FN3K: variants seen among roughly 807,000 people sequenced by gnomAD.
FN3K encodes the protein fructosamine-3-kinase.
A neutral mutation model predicts 24.8 loss-of-function variants in FN3K; 24 were observed. The ratio of observed to expected loss-of-function variants is 0.97; its 90% CI spans 0.70 to 1.36. The LOEUF (loss-of-function observed/expected upper bound fraction) is 1.36, where lower values mean the gene tolerates loss of function less well. Among genes scored for constraint, FN3K ranks in the 40% most tolerant of loss-of-function variants. The probability of loss-of-function intolerance (pLI) is 0.00; values close to 1 mark genes in which losing one functional copy is unlikely to be tolerated. For synonymous variants in FN3K, 192 were observed against 175.2 expected (o/e 1.10, Z -0.76); for missense variants, 449 against 416.7 (o/e 1.08, Z -0.67).
rs759824342 is a variant in FN3K, at chr17:82,740,769, A to G, written c.300A>G (p.Ala100=). 1.9e-6 allele frequency: 3 copies of G among 1,612,798 alleles called. No individual in the cohort carries two copies. Among genetic ancestry groups the G allele is most frequent in the Non-Finnish European group, 2.5e-6 (3 of 1,178,910 alleles). ...GCATTTCTTCTTTCCTCAGTCAAGC[A>G]TCAAAACTTGGAGAGCAGATGGCAG... ...HLKMKSLSSQ[A]SKLGEQMADL... Residue 100 remains alanine, a synonymous_variant, in exon 3 of 6, where the codon GCA becomes GCG. Transcript: ENST00000300784.
intron 4 of FN3K, among the ~76,000 whole-genome samples, chr17:82,746,555 C>G (rs1394985506): frequency 2.6e-5 from 4 of 152,114 alleles, no homozygotes; most frequent in African/African-American, 9.7e-5. Flanking sequence ...AATCCCAGCA[C>G]TTTCGGAGGC....
chr17:82,748,433 C>T (rs968178002), intron 4 of FN3K, among the ~76,000 whole-genome samples: 2 of 152,084 alleles, frequency 1.3e-5, no homozygotes, highest in Non-Finnish European at 2.9e-5. Flanking sequence ...CAGGCGTGAG[C>T]CACTGTGCCT....
chr17:82,740,319 G>A (rs1284217036), intron 2 of FN3K, among the ~76,000 whole-genome samples: 1 of 145,976 alleles, frequency 6.9e-6, no homozygotes, highest in African/African-American at 2.5e-5. Flanking sequence ...ATTACATGAT[G>A]TTATTTTCTG....
intron 4 of FN3K, among the ~76,000 whole-genome samples, chr17:82,742,010 C>G (rs550426755): frequency 6.6e-6 from 1 of 152,140 alleles, no homozygotes; most frequent in Non-Finnish European, 1.5e-5. Flanking sequence ...TGGGTTCAAG[C>G]GGTTCTCCTG....
chr17:82,747,141 T>C (rs2046973123), intron 4 of FN3K, among the ~76,000 whole-genome samples: 1 of 152,016 alleles, frequency 6.6e-6, no homozygotes, highest in African/African-American at 2.4e-5. Context: ...ACTTTAGGTT[T>C]AATGTGCTCT....
At chr17:82,737,317 A>C (rs2046908053) in intron 1 of FN3K, among the ~76,000 whole-genome samples, 1 of 152,118 alleles carries the variant, frequency 6.6e-6, no homozygotes, top group Admixed American at 6.5e-5. Flanking sequence ...GTTTGAGACC[A>C]GCCTGGCCAT....
rs755509841 is a variant in FN3K, at chr17:82,750,308, G to T, written c.592-109G>T. ...TCTGGGCTTGGCAGGCAGTGCTGGGGCTGGACACCGAAGCAGATCGCGAGT... is the reference window on the plus strand; with the variant it reads ...TCTGGGCTTGGCAGGCAGTGCTGGGTCTGGACACCGAAGCAGATCGCGAGT... On this transcript the variant is annotated intron_variant, in intron 5 of 5. Coordinates refer to ENST00000300784, the MANE Select transcript of FN3K (RefSeq NM_022158.4). The T allele has an allele frequency of 7.8e-4, 756 of 967,200 alleles. 1 individual carries two copies. Among genetic ancestry groups the T allele is most frequent in the Non-Finnish European group, 1.1e-3 (656 of 613,164 alleles). 59.9% of individuals were successfully genotyped at this position (967,200 alleles called of 1,614,324 possible). A position where few individuals can be genotyped will look rare whatever the true frequency, so the allele number is the denominator to read the frequency against.
Position 82,737,597 on chromosome 17 carries a change from C to G in FN3K, c.142-892C>G, listed in dbSNP as rs1456709208. 16 of 152,376 alleles carry G rather than the reference C, an allele frequency of 1.1e-4. 1 individual carries two copies. 9.4% of individuals were successfully genotyped at this position (152,376 alleles called of 1,614,324 possible). On this transcript the variant is annotated intron_variant, in intron 1 of 5. Transcript: ENST00000300784. ...CCGGCCTCCCAAAGTGCTGGGATTA[C>G]AGGTGCGAGCCACCACGCACGGCGG...
In FN3K at chr17:82,750,716, G is replaced by C; in HGVS notation, c.891G>C (p.Arg297Ser). The C allele has an allele frequency of 6.2e-7, 1 of 1,613,602 alleles. No individual in the cohort carries two copies. Reference sequence around the variant, plus strand: ...GGAACCACTTCGGGCGGGAGTACAGGAGCCCTTCCTTGGGCACCATGCGAA... The same window carrying C: ...GGAACCACTTCGGGCGGGAGTACAGCAGCCCTTCCTTGGGCACCATGCGAA... ...NHWNHFGREY[R>S]SPSLGTMRRL... Residue 297 changes from arginine (R) to serine (S), a missense_variant, in exon 6 of 6, where the codon AGG (arginine) becomes AGC (serine). By Grantham distance (110) the Arg-to-Ser change is moderately radical. Transcript: ENST00000300784.
chr17:82,742,818 C>T (rs534061193), intron 4 of FN3K: 1 of 435,372 alleles, frequency 2.3e-6, no homozygotes, highest in East Asian at 7.2e-5. Context: ...AGAGAGAATA[C>T]TTTCAAATCT....
chr17:82,735,737 A>G lies in FN3K; in HGVS notation c.101A>G (p.Asp34Gly), dbSNP rs368552367. The G allele has an allele frequency of 1.7e-4, 265 of 1,560,728 alleles. 1 individual carries two copies. The African/African-American group carries it at 3.1e-3, about 19-fold the overall frequency. The part of the protein sequence containing the change: ...CISEGRAYDT[D>G]AGPVFVKVNR... ...AGCGAGGGCCGAGCCTACGACACGG[A>G]CGCAGGCCCAGTGTTCGTCAAAGTC... The change falls in exon 1 of 6, where the codon GAC (aspartate) becomes GGC (glycine). Residue 34 changes from aspartate (D) to glycine (G), a missense_variant. Coordinates refer to ENST00000300784, the MANE Select transcript of FN3K (RefSeq NM_022158.4).
At chr17:82,739,648 G>A (rs751052947) in intron 2 of FN3K, among the ~76,000 whole-genome samples, 29 of 151,976 alleles carry the variant, frequency 1.9e-4, no homozygotes, top group South Asian at 4.2e-4. Context: ...TAGTAGAGAC[G>A]GGGTTTCACC....
chr17:82,750,316 C>G, intron 5 of FN3K, 101 bp from the exon 6 acceptor site: 2 of 1,052,660 alleles, frequency 1.9e-6, no homozygotes, highest in South Asian at 2.7e-5. Context: ...GGGCTGGACA[C>G]CGAAGCAGAT....
At chr17:82,749,402 C>T (rs1389671948) in intron 5 of FN3K, 2 of 321,974 alleles carry the variant, frequency 6.2e-6, no homozygotes, top group Admixed American at 4.4e-5. Flanking sequence ...CAGTGGTTCA[C>T]GCCTGTAATC....
chr17:82,740,770 T>C lies in FN3K; in HGVS notation c.301T>C (p.Ser101Pro), dbSNP rs1217688420. ...LKMKSLSSQA[S>P]KLGEQMADLH... is the part of the protein sequence containing the mutation. ...CATTTCTTCTTTCCTCAGTCAAGCA[T>C]CAAAACTTGGAGAGCAGATGGCAGA... is the stretch of plus-strand genomic sequence containing the variant. Residue 101 changes from serine to proline, a missense_variant, in exon 3 of 6, where the codon TCA (serine) becomes CCA (proline). Ser to Pro is a moderately conservative substitution (Grantham distance 74, BLOSUM62 -1). Transcript: ENST00000300784. The C allele has an allele frequency of 6.2e-7, 1 of 1,612,856 alleles. No homozygotes were observed. The highest frequency in any genetic ancestry group is 1.7e-5 in the Admixed American group (1 of 59,982).
In FN3K at chr17:82,750,874, C is replaced by A; in HGVS notation, c.*119C>A. 1.5e-6 allele frequency: 1 copy of A among 651,146 alleles called. No individual in the cohort carries two copies. The highest frequency in any genetic ancestry group is 2.5e-6 in the Non-Finnish European group (1 of 402,342). The allele number at this position is 651,146 out of a possible 1,614,324, so 40.3% of individuals were successfully genotyped here. ...CCCCTGTTCCCGTCTCCCCGTCCCT[C>A]CGTCTCCATCCCCCCGTCCCCCCAT... On this transcript the variant is annotated 3_prime_UTR_variant, in exon 6 of 6. Coordinates refer to ENST00000300784, the MANE Select transcript of FN3K (RefSeq NM_022158.4).
Position 82,750,944 on chromosome 17 carries a change from C to CT in FN3K, c.*189_*190insT. The stretch of plus-strand genomic sequence containing the variant: ...CGTCCCCGTCCCTCCATCCCTGTCC[C>CT]CCGTCCCCCTGTCCCCCTGTCCACA... On this transcript the variant is annotated 3_prime_UTR_variant, in exon 6 of 6. Transcript: ENST00000300784. 3.4e-6 allele frequency: 1 copy of CT among 293,718 alleles called. No homozygotes were observed. Among genetic ancestry groups the CT allele is most frequent in the East Asian group, 5.8e-5 (1 of 17,298 alleles). The allele number at this position is 293,718 out of a possible 1,614,324, so 18.2% of individuals were successfully genotyped here.
At chr17:82,747,450 G>A (rs553269870) in intron 4 of FN3K, among the ~76,000 whole-genome samples, 40 of 152,160 alleles carry the variant, frequency 2.6e-4, no homozygotes, top group Non-Finnish European at 5.3e-4. Flanking sequence ...CACCAGGCTG[G>A]AGTGCAATGG....
chr17:82,735,977 G>A (rs1005967698), intron 1 of FN3K, 200 bp downstream of exon 1: 22 of 660,002 alleles, frequency 3.3e-5, no homozygotes, highest in Admixed American at 9.0e-5. Context: ...ACCTTCCTTT[G>A]GCCTCCATGC....
Sources: gnomAD v4.1 joint callset for allele counts (sites outside exome capture counted in the v4.1 genomes callset) on GRCh38, gnomAD v4.1.1 for gene constraint, MANE v1.5 for transcripts, NCBI Gene and HGNC (gene_info 2026-07-23, HGNC 2026-07-21) for gene names.